The following MDN1 variants were observed in gnomAD, a reference collection of about 807,000 sequenced individuals.
The protein encoded by MDN1 is midasin AAA ATPase 1.
A neutral mutation model predicts 669.2 loss-of-function variants in MDN1; 266 were observed. That is an observed-to-expected ratio of 0.40 (90% CI 0.36 to 0.44). MDN1 has a LOEUF of 0.44. Among genes scored for constraint, MDN1 ranks in the 20% least tolerant of loss-of-function variants. The pLI is 1.00. For missense variants in MDN1, 5,940 were observed against 6,754.0 expected, an observed-to-expected ratio of 0.88 and a Z score of 4.22; for synonymous variants, 2,385 against 2,457.1, an observed-to-expected ratio of 0.97 and a Z score of 0.87.
intron 93 of MDN1, 33 bp downstream of exon 93, chr6:89,654,131 C>T (rs1350458918): frequency 1.1e-5 from 17 of 1,612,140 alleles, no homozygotes; most frequent in Non-Finnish European, 1.4e-5. Context: ...AGTCAGAGCG[C>T]CTGGGAAGGG....
rs71024397 is a variant in MDN1, at chr6:89,725,930, TACACACACACAC to T, written c.5473-546_5473-535del. On this transcript the variant is annotated intron_variant, in intron 37 of 101. Coordinates refer to ENST00000369393, the MANE Select transcript of MDN1 (RefSeq NM_014611.3). ...GTTAGAGATTTTGTCTGGTATTTTA[TACACACACACAC>T]ACACACACACACACACACACACACA... 3.6e-3 allele frequency among the ~76,000 whole-genome samples: 534 copies of T among 147,576 alleles called. 4 individuals are homozygous for T. The highest frequency in any genetic ancestry group is 0.023 in the South Asian group (105 of 4,606).
intron 1 of MDN1, 115 bp downstream of exon 1, chr6:89,819,391 C>T (rs1175652488): frequency 5.0e-6 from 5 of 997,104 alleles, no homozygotes; most frequent in Middle Eastern, 2.1e-4. Flanking sequence ...CCAGCTTGAC[C>T]TGAGGCTGCA....
chr6:89,787,978 C>A lies in MDN1; in HGVS notation c.1231-21G>T, dbSNP rs768772479. The A allele has an allele frequency of 2.6e-6, 4 of 1,561,296 alleles. No homozygotes were observed. The South Asian group carries it at 4.5e-5, about 17-fold the overall frequency. On this transcript the variant is annotated intron_variant, in intron 7 of 101. Coordinates refer to ENST00000369393, the MANE Select transcript of MDN1 (RefSeq NM_014611.3). ...GAAACCTAAATCAGATAACAACAAC[C>A]GCACTGATAAAGTAAAGCTATTAAG...
chr6:89,688,473 G>T, intron 66 of MDN1, 100 bp downstream of exon 66: 1 of 1,031,870 alleles, frequency 9.7e-7, no homozygotes. Context: ...TTGTTTATAT[G>T]TATATATGTG....
At chr6:89,739,237 C>T (rs559597582) in intron 32 of MDN1, among the ~76,000 whole-genome samples, 84 of 152,282 alleles carry the variant, frequency 5.5e-4, no homozygotes, top group African/African-American at 1.9e-3. Context: ...TAAAAAGTAA[C>T]TTTCCCTTGG....
chr6:89,752,027 C>T (rs1368364380), intron 22 of MDN1, among the ~76,000 whole-genome samples: 1 of 152,160 alleles, frequency 6.6e-6, no homozygotes, highest in African/African-American at 2.4e-5. Context: ...GCAACTAGCC[C>T]ATTAAGGATA....
rs1584293814 is a variant in MDN1, at chr6:89,738,459, T to C, written c.4594-4A>G. 2 of 1,612,836 alleles carry C rather than the reference T, an allele frequency of 1.2e-6. No individual in the cohort carries two copies. Among genetic ancestry groups the C allele is most frequent in the Non-Finnish European group, 1.7e-6 (2 of 1,179,690 alleles). On this transcript the variant is annotated splice_polypyrimidine_tract_variant and splice_region_variant and intron_variant, in intron 32 of 101. Transcript: ENST00000369393. ...GGTTTCTTAAGGCAGGAGACAGCTA[T>C]AAGAAACACAAAACTTCAATGTGAA...
Position 89,758,977 on chromosome 6 carries a change from T to A in MDN1, c.2461-17A>T, listed in dbSNP as rs778721445. Reference sequence around the variant, plus strand: ...TAATGTACCCTAGAAAAAGATAAAATAAAATGTTAACAATGTGTCAAATAA... The same window carrying A: ...TAATGTACCCTAGAAAAAGATAAAAAAAAATGTTAACAATGTGTCAAATAA... On this transcript the variant is annotated splice_polypyrimidine_tract_variant and intron_variant, in intron 17 of 101. Transcript: ENST00000369393. 1 of 1,610,114 alleles carries A rather than the reference T, an allele frequency of 6.2e-7. No individual in the cohort carries two copies.
chr6:89,699,958 G>T lies in MDN1; in HGVS notation c.8870+105C>A, dbSNP rs148950541. The T allele has an allele frequency of 9.2e-6, 11 of 1,201,112 alleles. No individual in the cohort carries two copies. In the Admixed American group the frequency reaches 2.6e-4, roughly 29 times the overall value. The allele number at this position is 1,201,112 out of a possible 1,614,324, so 74.4% of individuals were successfully genotyped here. On this transcript the variant is annotated intron_variant, in intron 57 of 101. Coordinates refer to ENST00000369393, the MANE Select transcript of MDN1 (RefSeq NM_014611.3). ...GTGGCAAATCACTTCCCTCTGCTTC[G>T]GTAACCATCCCTATCAAGTCTGTGG...
intron 2 of MDN1, among the ~76,000 whole-genome samples, chr6:89,796,340 A>ACAAC (rs1554199824): frequency 8.6e-6 from 1 of 116,636 alleles, no homozygotes; most frequent in African/African-American, 3.0e-5. Flanking sequence ...AAAAAAAAAA[A>ACAAC]AAAAAAAAAA....
intron 15 of MDN1, among the ~76,000 whole-genome samples, chr6:89,767,073 A>G (rs748105610): frequency 6.6e-6 from 1 of 151,978 alleles, no homozygotes. Context: ...TTAGTGCTAG[A>G]CTTTCTCTTT....
intron 11 of MDN1, 61 bp from the exon 12 acceptor site, chr6:89,776,756 C>T: frequency 4.2e-6 from 5 of 1,186,642 alleles, no homozygotes; most frequent in Non-Finnish European, 4.7e-6. Context: ...AATCACAGAA[C>T]ATCATTTTCC....
At chr6:89,709,553 AT>A (rs1244084508) in intron 50 of MDN1, among the ~76,000 whole-genome samples, 1 of 152,146 alleles carries the variant, frequency 6.6e-6, no homozygotes, top group Non-Finnish European at 1.5e-5. Context: ...CTAGCAAAGT[AT>A]TTTTCTCTAT....
Position 89,797,253 on chromosome 6 carries a change from C to T in MDN1, c.330-2452G>A, listed in dbSNP as rs140084423. ...GGCGTGGTGGCACACGCCTGTAGTC[C>T]CAGCTACCCAGAAGGCTGAGGCAGG... On this transcript the variant is annotated intron_variant, in intron 2 of 101. Coordinates refer to ENST00000369393, the MANE Select transcript of MDN1 (RefSeq NM_014611.3). 2.6e-3 allele frequency among the ~76,000 whole-genome samples: 387 copies of T among 151,634 alleles called. 1 individual carries two copies. The highest frequency in any genetic ancestry group is 5.8e-3 in the Admixed American group (88 of 15,164).
At chr6:89,804,672 T>C (rs1418064151) in intron 1 of MDN1, among the ~76,000 whole-genome samples, 1 of 152,142 alleles carries the variant, frequency 6.6e-6, no homozygotes, top group Non-Finnish European at 1.5e-5. Context: ...CATCAGCCTC[T>C]AATAAATAAA....
intron 82 of MDN1, among the ~76,000 whole-genome samples, chr6:89,671,490 A>C (rs1584142524): frequency 1.3e-5 from 2 of 151,896 alleles, no homozygotes; most frequent in East Asian, 3.9e-4. Flanking sequence ...AATACCAAAC[A>C]AAAAAAACAT....
intron 76 of MDN1, among the ~76,000 whole-genome samples, chr6:89,677,025 A>AG (rs1473651517): frequency 6.6e-6 from 1 of 151,928 alleles, no homozygotes; most frequent in Non-Finnish European, 1.5e-5. Context: ...GCAAAAAAAA[A>AG]AAAAAAAAAG....
rs559865627 is a variant in MDN1, at chr6:89,813,308, G to A, written c.102+6198C>T. ...CTCATGCCTGTAATCCCAGCACTTC[G>A]GGAGACCGAGGCAGGAGGATCACCT... is the stretch of plus-strand genomic sequence containing the variant. On this transcript the variant is annotated intron_variant, in intron 1 of 101. Coordinates refer to ENST00000369393, the MANE Select transcript of MDN1 (RefSeq NM_014611.3). 1.5e-3 allele frequency among the ~76,000 whole-genome samples: 222 copies of A among 152,228 alleles called. 1 individual carries two copies. The highest frequency in any genetic ancestry group is 4.6e-3 in the African/African-American group (193 of 41,554).
chr6:89,750,107 C>G lies in MDN1; in HGVS notation c.3406+247G>C, dbSNP rs1464287712. On this transcript the variant is annotated intron_variant, in intron 24 of 101. Coordinates refer to ENST00000369393, the MANE Select transcript of MDN1 (RefSeq NM_014611.3). ...TTCTCTGAATTCCTAGAAAATAAAG[C>G]AGCAGTTCAATTCCCCTCTTGAAAA... Among the ~76,000 whole-genome samples the G allele has an allele frequency of 2.0e-5, 3 of 152,172 alleles. No homozygotes were observed. In the East Asian group the frequency reaches 5.8e-4, roughly 29 times the overall value.
Sources: allele counts gnomAD v4.1 joint callset (sites outside exome capture counted in the v4.1 genomes callset), GRCh38; gene constraint gnomAD v4.1.1; transcripts MANE v1.5; gene names NCBI Gene and HGNC (gene_info 2026-07-23, HGNC 2026-07-21).